MEF2A: variants seen among roughly 807,000 people sequenced by gnomAD.
MEF2A encodes myocyte-specific enhancer factor 2A.
A neutral mutation model predicts 55.8 loss-of-function variants in MEF2A; 28 were observed. The observed-to-expected ratio is 0.50, with a 90% CI of 0.37 to 0.69. The LOEUF is 0.69. Ranked by LOEUF, MEF2A falls within the 30% of genes least tolerant of loss-of-function variation. The probability of loss-of-function intolerance (pLI) is 0.00; values close to 1 mark genes in which losing one functional copy is unlikely to be tolerated. For missense variants in MEF2A, 528 were observed against 626.2 expected (o/e 0.84, Z 1.67); for synonymous variants, 239 against 227.1 (o/e 1.05, Z -0.47).
chr15:99,663,362 T>C (rs557594953), intron 4 of MEF2A, among the ~76,000 whole-genome samples: 1 of 152,232 alleles, frequency 6.6e-6, no homozygotes. Context: ...ATGCACACAT[T>C]ATATACGGAA....
At chr15:99,602,305 T>G (rs2153084378) in intron 2 of MEF2A, among the ~76,000 whole-genome samples, 1 of 152,170 alleles carries the variant, frequency 6.6e-6, no homozygotes, top group Admixed American at 6.5e-5. Flanking sequence ...TCCCTTGGGG[T>G]GGGCTGTCTG....
At chr15:99,653,396 T>C (rs1480719666) in intron 4 of MEF2A, among the ~76,000 whole-genome samples, 4 of 152,218 alleles carry the variant, frequency 2.6e-5, no homozygotes, top group African/African-American at 9.6e-5. Context: ...CCTTCTTGCA[T>C]AGATTAGTCA....
intron 1 of MEF2A, among the ~76,000 whole-genome samples, chr15:99,587,312 GT>G (rs1427144782): frequency 2.0e-5 from 3 of 152,010 alleles, no homozygotes; most frequent in Non-Finnish European, 4.4e-5. Context: ...GTGGTGTTTG[GT>G]TTTCTGCTCT....
chr15:99,580,497 A>T (rs1965616030), intron 1 of MEF2A, among the ~76,000 whole-genome samples: 1 of 152,206 alleles, frequency 6.6e-6, no homozygotes, highest in Non-Finnish European at 1.5e-5. Context: ...TTCCACTGGT[A>T]AGCTAGAGTC....
At chr15:99,651,151 G>A (rs1487661159) in intron 4 of MEF2A, among the ~76,000 whole-genome samples, 1 of 152,134 alleles carries the variant, frequency 6.6e-6, no homozygotes, top group Non-Finnish European at 1.5e-5. Flanking sequence ...ATTTCAGTTC[G>A]ATTCCACATG....
chr15:99,644,096 C>T (rs1159127400), intron 3 of MEF2A, among the ~76,000 whole-genome samples: 2 of 152,132 alleles, frequency 1.3e-5, no homozygotes, highest in African/African-American at 4.8e-5. Context: ...AATATTTGAG[C>T]GGTCATATAA....
intron 10 of MEF2A, 60 bp from the exon 11 acceptor site, chr15:99,710,574 A>G: frequency 6.4e-7 from 1 of 1,572,904 alleles, no homozygotes; most frequent in Non-Finnish European, 8.7e-7. Flanking sequence ...TAGCTACGTA[A>G]AAAATAGATT....
intron 1 of MEF2A, among the ~76,000 whole-genome samples, chr15:99,581,681 T>C (rs1314386009): frequency 6.6e-6 from 1 of 152,186 alleles, no homozygotes; most frequent in Non-Finnish European, 1.5e-5. Context: ...AATGGAAACA[T>C]ATATAAGATA....
At chr15:99,578,739 A>G (rs1382966555) in intron 1 of MEF2A, among the ~76,000 whole-genome samples, 3 of 152,236 alleles carry the variant, frequency 2.0e-5, no homozygotes, top group African/African-American at 4.8e-5. Context: ...TAATCATGCA[A>G]TGAAAGCCAC....
intron 4 of MEF2A, 160 bp downstream of exon 4, chr15:99,645,924 C>T: frequency 1.9e-6 from 1 of 534,140 alleles, no homozygotes. Flanking sequence ...TGTATGGCGA[C>T]TCACTTGTGT....
intron 2 of MEF2A, among the ~76,000 whole-genome samples, chr15:99,626,073 T>A (rs759009986): frequency 1.3e-5 from 2 of 152,168 alleles, no homozygotes; most frequent in Non-Finnish European, 2.9e-5. Context: ...AATGAAGCCA[T>A]TGAGTCTAAA....
chr15:99,666,610 T>TAATAATAATAATA (rs558175306), intron 4 of MEF2A, among the ~76,000 whole-genome samples: 4 of 148,390 alleles, frequency 2.7e-5, no homozygotes, highest in Non-Finnish European at 6.0e-5. Flanking sequence ...ATAATAATAA[T>TAATAATAATAATA]AAAAAGATCA....
intron 4 of MEF2A, among the ~76,000 whole-genome samples, chr15:99,647,274 A>T (rs1298472458): frequency 6.7e-6 from 1 of 149,906 alleles, no homozygotes; most frequent in Non-Finnish European, 1.5e-5. Context: ...CTTGAAATGG[A>T]GAGTAACCCT....
chr15:99,651,976 T>C (rs946943956), intron 4 of MEF2A, among the ~76,000 whole-genome samples: 2 of 152,216 alleles, frequency 1.3e-5, no homozygotes, highest in Non-Finnish European at 2.9e-5. Flanking sequence ...GTTCTTTTTA[T>C]GTCATATGTG....
chr15:99,676,395 T>C (rs1036360221), intron 7 of MEF2A, among the ~76,000 whole-genome samples: 1 of 144,958 alleles, frequency 6.9e-6, no homozygotes, highest in African/African-American at 2.5e-5. Context: ...TTTGTGTCCC[T>C]TTTTTTTTTT....
At position 99,633,104 on chromosome 15, in the gene MEF2A, G is replaced by A. The variant is rs2043190847; in HGVS notation, c.-16G>A. 2 of 1,595,770 alleles carry A rather than the reference G, an allele frequency of 1.3e-6. No individual in the cohort carries two copies. Among genetic ancestry groups the A allele is most frequent in the African/African-American group, 1.4e-5 (1 of 74,006 alleles). On this transcript the variant is annotated 5_prime_UTR_variant, in exon 3 of 12. Transcript: ENST00000557942. ...AAATATTTGGAATATAAGGAAATAAGGAAAGTTGACTGAAAATGGGGCGGA... is the reference window on the plus strand; with the variant it reads ...AAATATTTGGAATATAAGGAAATAAAGAAAGTTGACTGAAAATGGGGCGGA...
chr15:99,580,697 T>C (rs1233657234), intron 1 of MEF2A, among the ~76,000 whole-genome samples: 1 of 152,266 alleles, frequency 6.6e-6, no homozygotes, highest in East Asian at 1.9e-4. Context: ...GAAGGAGTTA[T>C]AGGCCTGTAT....
At chr15:99,703,130 A>G (rs2057610853) in intron 8 of MEF2A, among the ~76,000 whole-genome samples, 1 of 152,194 alleles carries the variant, frequency 6.6e-6, no homozygotes, top group Admixed American at 6.5e-5. Context: ...TTGGGGTAGG[A>G]GGGTGTCTTT....
At chr15:99,686,106 T>C (rs995365545) in intron 7 of MEF2A, among the ~76,000 whole-genome samples, 1 of 152,340 alleles carries the variant, frequency 6.6e-6, no homozygotes, top group Admixed American at 6.5e-5. Context: ...TCCACCCCTT[T>C]ACTTTATGTG....
Sources: allele counts gnomAD v4.1 joint callset (sites outside exome capture counted in the v4.1 genomes callset), GRCh38; gene constraint gnomAD v4.1.1; transcripts MANE v1.5; gene names NCBI Gene and HGNC (gene_info 2026-07-23, HGNC 2026-07-21).